Variants in CNTLN observed in about 807,000 individuals in gnomAD.
CNTLN encodes centlein, centrosomal protein.
CNTLN carries 212 observed loss-of-function variants against 180.0 expected under a neutral mutation model. That is an observed-to-expected ratio of 1.18 (90% CI 1.05 to 1.32). CNTLN has a LOEUF of 1.32. CNTLN is among the 40% of genes most tolerant of loss of function. The probability of loss-of-function intolerance (pLI) is 0.00; values close to 1 mark genes in which losing one functional copy is unlikely to be tolerated. For missense variants in CNTLN, 2,095 were observed against 1,610.9 expected (o/e 1.30, Z -5.14); for synonymous variants, 722 against 563.1 (o/e 1.28, Z -3.99).
chr9:17,361,763 A>C (rs185150139), intron 12 of CNTLN, among the ~76,000 whole-genome samples: 1 of 152,336 alleles, frequency 6.6e-6, no homozygotes. Flanking sequence ...GCCATCATTA[A>C]GGGCTCTCTC....
At chr9:17,519,022 A>C in the CNTLN span, among the ~76,000 whole-genome samples, 1 of 152,166 alleles carries the variant, frequency 6.6e-6, no homozygotes, top group Admixed American at 6.5e-5. Flanking sequence ...TCCCGGGCTC[A>C]AGTGATCCTC....
intron 3 of CNTLN, among the ~76,000 whole-genome samples, chr9:17,230,050 G>A (rs2132111535): frequency 6.6e-6 from 1 of 152,308 alleles, no homozygotes; most frequent in East Asian, 1.9e-4. Flanking sequence ...GACCAAAAGT[G>A]GTTCATAGAG....
At chr9:17,375,382 A>G (rs147064134) in intron 13 of CNTLN, among the ~76,000 whole-genome samples, 28 of 152,286 alleles carry the variant, frequency 1.8e-4, no homozygotes, top group African/African-American at 5.3e-4. Flanking sequence ...ATTAAAAAAT[A>G]ATTTAATTGT....
At position 17,416,044 on chromosome 9, in the gene CNTLN, C is replaced by T. The variant is rs1002934980; in HGVS notation, c.2969C>T (p.Ser990Phe). The T allele has an allele frequency of 6.2e-7, 1 of 1,613,424 alleles. No homozygotes were observed. The change falls in exon 18 of 26, where the codon TCC becomes TTC. Residue 990 changes from serine to phenylalanine, a missense_variant. Transcript: ENST00000380647. ...ATTTTATTACGAGAACGGATTATATCCTTGCAACAACAAAACAGTGTACTT... is the reference window on the plus strand; with the variant it reads ...ATTTTATTACGAGAACGGATTATATTCTTGCAACAACAAAACAGTGTACTT... ...NIILLRERII[S>F]LQQQNSVLQN...
intron 12 of CNTLN, among the ~76,000 whole-genome samples, chr9:17,351,544 A>T (rs917644682): frequency 6.6e-6 from 1 of 152,166 alleles, no homozygotes; most frequent in African/African-American, 2.4e-5. Context: ...CCATGGTGTT[A>T]TAAGTTTATG....
intron 25 of CNTLN, among the ~76,000 whole-genome samples, chr9:17,497,957 C>G (rs1414340015): frequency 6.6e-6 from 1 of 152,032 alleles, no homozygotes; most frequent in Non-Finnish European, 1.5e-5. Flanking sequence ...ACTACATTAT[C>G]GTATCTTACT....
intron 8 of CNTLN, among the ~76,000 whole-genome samples, chr9:17,318,248 C>T (rs949807229): frequency 8.6e-5 from 13 of 151,986 alleles, no homozygotes; most frequent in African/African-American, 2.7e-4. Context: ...CCAAGATGGT[C>T]TCGGTTTCCT....
intron 2 of CNTLN, among the ~76,000 whole-genome samples, chr9:17,160,865 GA>G (rs565006022): frequency 5.6e-4 from 85 of 152,228 alleles, no homozygotes; most frequent in African/African-American, 1.9e-3. Context: ...CATTAAAACA[GA>G]TATTTCCACC....
At chr9:17,237,854 T>C (rs886664735) in intron 5 of CNTLN, among the ~76,000 whole-genome samples, 18 of 152,232 alleles carry the variant, frequency 1.2e-4, no homozygotes, top group African/African-American at 3.4e-4. Flanking sequence ...AATATTTAAG[T>C]CTATTAGTGC....
intron 16 of CNTLN, among the ~76,000 whole-genome samples, chr9:17,412,814 TA>T (rs1484582582): frequency 6.6e-6 from 1 of 152,138 alleles, no homozygotes; most frequent in Non-Finnish European, 1.5e-5. Context: ...ACACGTATAT[TA>T]AAGTTGCTGC....
intron 6 of CNTLN, among the ~76,000 whole-genome samples, chr9:17,289,869 T>C (rs539958403): frequency 7.4e-5 from 10 of 134,372 alleles, no homozygotes; most frequent in Non-Finnish European, 1.1e-4. Flanking sequence ...TCAGCTCCTT[T>C]AAGCACTTCT....
At chr9:17,367,255 A>G (rs903277786) in intron 13 of CNTLN, among the ~76,000 whole-genome samples, 3 of 152,342 alleles carry the variant, frequency 2.0e-5, no homozygotes, top group Non-Finnish European at 4.4e-5. Flanking sequence ...AGCAGAGAGC[A>G]AAACCGGGCC....
At chr9:17,186,931 T>C (rs1769779732) in intron 2 of CNTLN, among the ~76,000 whole-genome samples, 1 of 152,084 alleles carries the variant, frequency 6.6e-6, no homozygotes, top group Admixed American at 6.5e-5. Flanking sequence ...AGGATTCCTA[T>C]ATGAGACTTT....
At chr9:17,393,211 C>G (rs902037419) in intron 14 of CNTLN, among the ~76,000 whole-genome samples, 2 of 152,108 alleles carry the variant, frequency 1.3e-5, no homozygotes, top group African/African-American at 4.8e-5. Context: ...GGGCCCCACC[C>G]TCATGATCCA....
intron 22 of CNTLN, among the ~76,000 whole-genome samples, chr9:17,466,469 C>T (rs996400022): frequency 3.3e-5 from 5 of 151,308 alleles, no homozygotes; most frequent in East Asian, 3.9e-4. Flanking sequence ...AAATAGCTTC[C>T]ATGCTTTTAA....
the CNTLN span, among the ~76,000 whole-genome samples, chr9:17,527,923 A>T: frequency 6.6e-6 from 1 of 152,140 alleles, no homozygotes; most frequent in African/African-American, 2.4e-5. Flanking sequence ...CCAGTGGCTA[A>T]AACTGGAACA....
intron 24 of CNTLN, 126 bp from the exon 25 acceptor site, chr9:17,486,863 G>A (rs2134330210): frequency 6.9e-6 from 4 of 581,622 alleles, no homozygotes; most frequent in East Asian, 3.1e-5. Flanking sequence ...TCTACTTTGA[G>A]ATGACAGACT....
intron 6 of CNTLN, among the ~76,000 whole-genome samples, chr9:17,279,389 T>C (rs1297784771): frequency 6.6e-6 from 1 of 152,206 alleles, no homozygotes; most frequent in Non-Finnish European, 1.5e-5. Flanking sequence ...TGCTACCATA[T>C]GCTTTTCTGC....
At chr9:17,305,020 G>A (rs1818611079) in intron 7 of CNTLN, among the ~76,000 whole-genome samples, 1 of 151,904 alleles carries the variant, frequency 6.6e-6, no homozygotes, top group Non-Finnish European at 1.5e-5. Flanking sequence ...TAGTATCAGT[G>A]GATAACAGAG....
Sources: gnomAD v4.1 joint callset for allele counts (sites outside exome capture counted in the v4.1 genomes callset) on GRCh38, gnomAD v4.1.1 for gene constraint, MANE v1.5 for transcripts, NCBI Gene and HGNC (gene_info 2026-07-23, HGNC 2026-07-21) for gene names.